RAB31: variants seen among roughly 807,000 people sequenced by gnomAD.
The protein encoded by RAB31 is RAB31, member RAS oncogene family, also known as ras-related protein Rab-31.
RAB31 carries 21 observed loss-of-function variants against 25.6 expected under a neutral mutation model. The ratio of observed to expected loss-of-function variants is 0.82; its 90% CI spans 0.58 to 1.18. RAB31 has a LOEUF of 1.18. Among genes scored for constraint, RAB31 ranks in the 50% most tolerant of loss-of-function variants. RAB31 has a pLI of 0.00. For missense variants in RAB31, 196 were observed against 250.1 expected (o/e 0.78, Z 1.46); for synonymous variants, 87 against 84.0 (o/e 1.04, Z -0.20).
rs2067998387 is a variant in RAB31, at chr18:9,708,571, C to G, written c.39+127C>G. On this transcript the variant is annotated intron_variant, in intron 1 of 6. Coordinates refer to ENST00000578921, the MANE Select transcript of RAB31 (RefSeq NM_006868.4). The surrounding 1 kb of genome is among the most constrained non-coding windows in gnomAD (Gnocchi z 6.4). ...TCCGCACCCCTCTCGTAGCCCCCGT[C>G]CCCCTCGTCCGCGCGCCCCCTGGTT... The G allele has an allele frequency of 6.0e-6, 5 of 835,500 alleles. No homozygotes were observed. The South Asian group carries it at 1.2e-4, about 20-fold the overall frequency. 51.8% of individuals were successfully genotyped at this position (835,500 alleles called of 1,614,324 possible).
At chr18:9,776,707 A>G (rs2145491586) in intron 2 of RAB31, among the ~76,000 whole-genome samples, 1 of 152,242 alleles carries the variant, frequency 6.6e-6, no homozygotes, top group South Asian at 2.1e-4. Flanking sequence ...TATTCACAAA[A>G]TAGGGTGACA....
At chr18:9,833,338 C>T (rs1487323055) in intron 5 of RAB31, among the ~76,000 whole-genome samples, 1 of 152,138 alleles carries the variant, frequency 6.6e-6, no homozygotes, top group Non-Finnish European at 1.5e-5. Context: ...CCCACAGGGG[C>T]CCGGAAGTGT....
chr18:9,811,066 A>C (rs2068567753), intron 3 of RAB31, among the ~76,000 whole-genome samples: 1 of 152,212 alleles, frequency 6.6e-6, no homozygotes, highest in East Asian at 1.9e-4. Flanking sequence ...AATTATGCCA[A>C]ACACAGTGTT....
chr18:9,838,840 A>G (rs2068717946), intron 5 of RAB31, among the ~76,000 whole-genome samples: 1 of 152,100 alleles, frequency 6.6e-6, no homozygotes, highest in South Asian at 2.1e-4. Context: ...CCTCCCTCCC[A>G]GCCCACTTGG....
chr18:9,792,098 G>C, intron 2 of RAB31, 56 bp from the exon 3 acceptor site: 1 of 1,552,668 alleles, frequency 6.4e-7, no homozygotes, highest in Admixed American at 1.9e-5. Flanking sequence ...TTTGATTTGT[G>C]AATCTTTGTG....
At chr18:9,818,844 G>A (rs1234896966) in intron 5 of RAB31, among the ~76,000 whole-genome samples, 2 of 152,198 alleles carry the variant, frequency 1.3e-5, no homozygotes, top group Non-Finnish European at 2.9e-5. Context: ...CCTAGTGGGT[G>A]TGAGATTGTG....
intron 1 of RAB31, among the ~76,000 whole-genome samples, chr18:9,729,792 A>G (rs7242973): frequency 0.3 from 45,351 of 151,962 alleles, 8,127 homozygotes; most frequent in African/African-American, 0.49. Flanking sequence ...TTTGGACTCT[A>G]TGTTCTATTA....
At chr18:9,731,641 T>C (rs145470668) in intron 1 of RAB31, among the ~76,000 whole-genome samples, 1,637 of 135,394 alleles carry the variant, frequency 0.012, 32 homozygotes, top group African/African-American at 0.044. Flanking sequence ...TCTATCACCC[T>C]GGCTGGAGTG....
chr18:9,719,323 A>G (rs2068061992), intron 1 of RAB31, among the ~76,000 whole-genome samples: 1 of 84,982 alleles, frequency 1.2e-5, no homozygotes, highest in African/African-American at 4.7e-5. Flanking sequence ...ATATATATAT[A>G]TATATAAATA....
At chr18:9,848,956 G>A (rs1032772253) in intron 6 of RAB31, among the ~76,000 whole-genome samples, 1 of 152,138 alleles carries the variant, frequency 6.6e-6, no homozygotes, top group African/African-American at 2.4e-5. Context: ...CCCTGTAAAG[G>A]ATTTAGGTGC....
At chr18:9,718,310 A>G (rs987304596) in intron 1 of RAB31, among the ~76,000 whole-genome samples, 2 of 152,212 alleles carry the variant, frequency 1.3e-5, no homozygotes, top group Non-Finnish European at 2.9e-5. Flanking sequence ...CCAAGGCTGG[A>G]GTGCAGTGGT....
chr18:9,786,371 T>A (rs1279029032), intron 2 of RAB31, among the ~76,000 whole-genome samples: 2 of 152,226 alleles, frequency 1.3e-5, no homozygotes, highest in Non-Finnish European at 2.9e-5. Context: ...TATGAGAAAC[T>A]GGTCACTATA....
At position 9,845,609 on chromosome 18, in the gene RAB31, A is replaced by G; in HGVS notation, c.408A>G (p.Glu136=). The change falls in exon 6 of 7, where the codon GAA becomes GAG. Residue 136 remains glutamate (E), a synonymous_variant. Coordinates refer to ENST00000578921, the MANE Select transcript of RAB31 (RefSeq NM_006868.4). ...IREVPLKDAK[E]YAESIGAIVV... Reference sequence around the variant, plus strand: ...AGGTTCCCCTGAAGGATGCTAAGGAATACGCTGAATCCATAGGTGCCATCG... The same window carrying G: ...AGGTTCCCCTGAAGGATGCTAAGGAGTACGCTGAATCCATAGGTGCCATCG... 1 of 1,563,724 alleles carries G rather than the reference A, an allele frequency of 6.4e-7. No homozygotes were observed. The highest frequency in any genetic ancestry group is 8.7e-7 in the Non-Finnish European group (1 of 1,154,328).
intron 1 of RAB31, among the ~76,000 whole-genome samples, chr18:9,732,081 A>G (rs1437428655): frequency 6.6e-6 from 1 of 152,212 alleles, no homozygotes; most frequent in Non-Finnish European, 1.5e-5. Flanking sequence ...GCGAGAAACG[A>G]TGCCCAGCCT....
chr18:9,821,587 A>C (rs1056333546), intron 5 of RAB31, among the ~76,000 whole-genome samples: 1 of 152,146 alleles, frequency 6.6e-6, no homozygotes, highest in Non-Finnish European at 1.5e-5. Flanking sequence ...TTCTAAAAAT[A>C]CTAAGTGGGT....
At chr18:9,712,044 C>T (rs1037559312) in intron 1 of RAB31, among the ~76,000 whole-genome samples, 1 of 152,202 alleles carries the variant, frequency 6.6e-6, no homozygotes, top group Non-Finnish European at 1.5e-5. Context: ...ACGTTAGAGT[C>T]ATTTGCAGCA....
chr18:9,712,000 G>T (rs1032448967), intron 1 of RAB31, among the ~76,000 whole-genome samples: 2 of 152,202 alleles, frequency 1.3e-5, no homozygotes, highest in African/African-American at 4.8e-5. Flanking sequence ...GTAGTTTCCT[G>T]CTCCATCCAT....
chr18:9,859,551 A>G lies in RAB31; in HGVS notation c.*226A>G, dbSNP rs996414990. The G allele has an allele frequency of 3.5e-5, 14 of 397,214 alleles. No individual in the cohort carries two copies. The highest frequency in any genetic ancestry group is 2.9e-4 in the African/African-American group (14 of 48,022). 24.6% of individuals were successfully genotyped at this position (397,214 alleles called of 1,614,324 possible). A position where few individuals can be genotyped will look rare whatever the true frequency, so the allele number is the denominator to read the frequency against. Reference sequence around the variant, plus strand: ...ACCACCACAAAATGGCCTTTAGTGTATGAAATGCACATGGAGGGGATGTAG... The same window carrying G: ...ACCACCACAAAATGGCCTTTAGTGTGTGAAATGCACATGGAGGGGATGTAG... On this transcript the variant is annotated 3_prime_UTR_variant, in exon 7 of 7. Transcript: ENST00000578921.
chr18:9,849,919 C>T (rs916698612), intron 6 of RAB31, among the ~76,000 whole-genome samples: 1 of 152,152 alleles, frequency 6.6e-6, no homozygotes, highest in Non-Finnish European at 1.5e-5. Context: ...CAATTGGAAG[C>T]CCCTCAAGCT....
Sources: gnomAD v4.1 joint callset for allele counts (sites outside exome capture counted in the v4.1 genomes callset) on GRCh38, gnomAD v4.1.1 for gene constraint, Gnocchi (gnomAD v3.1) non-coding constraint, MANE v1.5 for transcripts, NCBI Gene and HGNC (gene_info 2026-07-23, HGNC 2026-07-21) for gene names.